KCNT1: variants seen among roughly 807,000 people sequenced by gnomAD.
KCNT1 encodes the protein potassium sodium-activated channel subfamily T member 1.
KCNT1 carries 78 observed loss-of-function variants against 147.8 expected under a neutral mutation model. The observed-to-expected ratio is 0.53, with a 90% CI of 0.44 to 0.64. The LOEUF (loss-of-function observed/expected upper bound fraction) is 0.64. KCNT1 is among the 30% of genes least tolerant of loss of function. KCNT1 has a pLI of 0.00. For synonymous variants in KCNT1, 867 were observed against 748.8 expected (o/e 1.16, Z -2.58); for missense variants, 1,419 against 1,750.3 (o/e 0.81, Z 3.38).
chr9:135,766,368 G>A (rs1243679287), intron 13 of KCNT1, among the ~76,000 whole-genome samples: 2 of 151,250 alleles, frequency 1.3e-5, no homozygotes, highest in East Asian at 3.9e-4. Context: ...TCTCTAGGGT[G>A]GACCATCCAG....
At chr9:135,753,846 T>G in intron 4 of KCNT1, 91 bp from the exon 5 acceptor site, 1 of 1,401,768 alleles carries the variant, frequency 7.1e-7, no homozygotes, top group Non-Finnish European at 1.0e-6. Context: ...GAGGCCCCCA[T>G]GAACCCGAGC....
In KCNT1 at chr9:135,759,768, TG is replaced by T; in HGVS notation, c.947del (p.Gly316AlafsTer19). ...FYFCIVTFST[V>X]GYGDVTPKIW... ...TTCTGCATCGTCACCTTCTCCACCG[TG>T]GGCTACGGTGACGTCACGCCCAAGA... On this transcript the variant is annotated frameshift_variant, in exon 11 of 31. Coordinates refer to ENST00000371757, the MANE Select transcript of KCNT1 (RefSeq NM_020822.3). LOFTEE classifies it high-confidence loss of function. 6.2e-7 allele frequency: 1 copy of T among 1,613,618 alleles called. No individual in the cohort carries two copies. The highest frequency in any genetic ancestry group is 8.5e-7 in the Non-Finnish European group (1 of 1,179,880).
chr9:135,741,819 G>T (rs1257797602), intron 2 of KCNT1, among the ~76,000 whole-genome samples: 1 of 152,254 alleles, frequency 6.6e-6, no homozygotes. Flanking sequence ...TGAAAACATG[G>T]TTGTTTTGAG....
intron 2 of KCNT1, among the ~76,000 whole-genome samples, chr9:135,716,717 G>A (rs745616659): frequency 2.0e-5 from 3 of 152,168 alleles, no homozygotes; most frequent in East Asian, 1.9e-4. Flanking sequence ...ACCGCTGGAC[G>A]TGTGTGGCTG....
At chr9:135,763,714 C>T (rs1014044359) in intron 11 of KCNT1, among the ~76,000 whole-genome samples, 10 of 152,184 alleles carry the variant, frequency 6.6e-5, no homozygotes, top group Non-Finnish European at 1.2e-4. Context: ...CCCAGGGTGA[C>T]CTTATCTTAA....
chr9:135,758,393 C>G, intron 9 of KCNT1, 21 bp from the exon 10 acceptor site: 1 of 1,594,822 alleles, frequency 6.3e-7, no homozygotes, highest in Non-Finnish European at 8.6e-7. Context: ...TGCCCGCTGA[C>G]AGCCACCACT....
intron 2 of KCNT1, among the ~76,000 whole-genome samples, chr9:135,735,972 CG>C (rs1174103788): frequency 6.6e-6 from 1 of 152,240 alleles, no homozygotes; most frequent in African/African-American, 2.4e-5. Context: ...GTGAGATGTG[CG>C]GGCCCAGCCA....
chr9:135,791,631 A>G (rs1201046678), intron 29 of KCNT1, 166 bp from the exon 30 acceptor site: 1 of 632,648 alleles, frequency 1.6e-6, no homozygotes, highest in Admixed American at 2.5e-5. Flanking sequence ...GGTGTCGGTC[A>G]GGGATGGGCC....
In KCNT1 at chr9:135,708,218, G is replaced by C. The variant is rs547174114; in HGVS notation, c.110+5850G>C. 3.7e-4 allele frequency among the ~76,000 whole-genome samples: 57 copies of C among 152,332 alleles called. 1 individual carries two copies. The South Asian group carries it at 0.011, about 28-fold the overall frequency. On this transcript the variant is annotated intron_variant, in intron 1 of 30. Coordinates refer to ENST00000371757, the MANE Select transcript of KCNT1 (RefSeq NM_020822.3). ...TACAGGCACATGCACACAGATCCAT[G>C]TGCATGCACACATATGTCCACATGT...
At chr9:135,722,800 C>G (rs1361772833) in intron 2 of KCNT1, among the ~76,000 whole-genome samples, 1 of 152,182 alleles carries the variant, frequency 6.6e-6, no homozygotes, top group Non-Finnish European at 1.5e-5. Flanking sequence ...AGGCCCCACT[C>G]TCATGAACTC....
rs764111643 is a variant in KCNT1, at chr9:135,702,296, T to C, written c.38T>C (p.Val13Ala). The C allele has an allele frequency of 4.4e-6, 7 of 1,608,738 alleles. No homozygotes were observed. The highest frequency in any genetic ancestry group is 5.9e-6 in the Non-Finnish European group (7 of 1,177,988). The change falls in exon 1 of 31, where the codon GTC becomes GCC. Residue 13 changes from valine (V) to alanine (A), a missense_variant. Val to Ala is a moderately conservative substitution (Grantham distance 64, BLOSUM62 0). Transcript: ENST00000371757. Reference protein sequence around the residue: ...LPDGARTPGGVCREARGGGYT... With the variant: ...LPDGARTPGGACREARGGGYT... ...GACGGGGCGCGGACCCCGGGGGGCG[T>C]CTGCCGGGAGGCGCGCGGCGGGGGC...
chr9:135,769,323 G>A (rs961455107), intron 15 of KCNT1, among the ~76,000 whole-genome samples: 9 of 151,648 alleles, frequency 5.9e-5, no homozygotes, highest in Admixed American at 1.3e-4. Flanking sequence ...GTGGGTGACG[G>A]TGTGTCTGGG....
intron 2 of KCNT1, among the ~76,000 whole-genome samples, chr9:135,731,992 A>ATAGAGAGAGAGAGAGAGG (rs60849506): frequency 4.4e-5 from 1 of 22,566 alleles, no homozygotes; most frequent in Non-Finnish European, 8.6e-5. Flanking sequence ...ATATATATAT[A>ATAGAGAGAGAGAGAGAGG]GAGAGAGAGA....
intron 29 of KCNT1, among the ~76,000 whole-genome samples, chr9:135,787,486 G>A (rs563155268): frequency 2.6e-5 from 4 of 152,330 alleles, no homozygotes; most frequent in South Asian, 2.1e-4. Context: ...CCTCTGTCCC[G>A]TCGGAGTGCC....
chr9:135,779,311 C>G (rs1228694737), intron 23 of KCNT1, 48 bp from the exon 24 acceptor site: 2 of 1,231,320 alleles, frequency 1.6e-6, no homozygotes, highest in Non-Finnish European at 2.4e-6. Flanking sequence ...ACCCTGAGAC[C>G]TCCTACAACC....
At chr9:135,784,485 C>T in intron 25 of KCNT1, 50 bp from the exon 26 acceptor site, 21 of 35,024 alleles carry the variant, frequency 6.0e-4, no homozygotes, top group South Asian at 1.9e-3. Flanking sequence ...CACTGTGGCT[C>T]CCTCCCTCCC....
chr9:135,775,628 G>A (rs1315296275), intron 20 of KCNT1, among the ~76,000 whole-genome samples: 2 of 152,268 alleles, frequency 1.3e-5, no homozygotes, highest in Admixed American at 6.5e-5. Context: ...CCCTCTCACA[G>A]TGTCTATGTT....
intron 1 of KCNT1, among the ~76,000 whole-genome samples, chr9:135,709,353 A>G (rs1026450407): frequency 6.6e-6 from 1 of 152,210 alleles, no homozygotes; most frequent in African/African-American, 2.4e-5. Context: ...AGGGACGTGC[A>G]GGCTGTTTTC....
At chr9:135,782,516 T>A (rs555712840) in intron 24 of KCNT1, among the ~76,000 whole-genome samples, 6 of 152,240 alleles carry the variant, frequency 3.9e-5, no homozygotes, top group African/African-American at 1.2e-4. Flanking sequence ...ACCGGGGGTC[T>A]CGTGCTCAGG....
Sources: allele counts gnomAD v4.1 joint callset (sites outside exome capture counted in the v4.1 genomes callset), GRCh38; gene constraint gnomAD v4.1.1; transcripts MANE v1.5; gene names NCBI Gene and HGNC (gene_info 2026-07-23, HGNC 2026-07-21).